Variants in FSIP2 observed in about 807,000 individuals in gnomAD.
FSIP2 encodes the protein fibrous sheath-interacting protein 2.
A neutral mutation model predicts 510.5 loss-of-function variants in FSIP2; 367 were observed. The ratio of observed to expected loss-of-function variants is 0.72; its 90% confidence interval spans 0.66 to 0.78. The LOEUF (loss-of-function observed/expected upper bound fraction) is 0.78, where lower values mean the gene tolerates loss of function less well. Among genes scored for constraint, FSIP2 ranks in the 30% least tolerant of loss-of-function variants. The pLI, the probability that FSIP2 is intolerant of heterozygous loss-of-function variation, is 0.00. For synonymous variants in FSIP2, 2,601 were observed against 2,732.2 expected, an observed-to-expected ratio of 0.95 and a Z score of 1.50; for missense variants, 7,594 against 7,901.7, an observed-to-expected ratio of 0.96 and a Z score of 1.48.
At position 185,782,475 on chromosome 2, in the gene FSIP2, T is replaced by C. The variant is rs1247725651; in HGVS notation, c.1412-230T>C. On this transcript the variant is annotated intron_variant, in intron 13 of 22. Coordinates refer to ENST00000424728, the MANE Select transcript of FSIP2 (RefSeq NM_173651.4). ...TGCAAAATATTCTGTCTCTGGACCA[T>C]AGCATAAGTATGAAAGACTAGTCAG... Among the ~76,000 whole-genome samples the C allele has an allele frequency of 2.0e-5, 3 of 152,156 alleles. No individual in the cohort carries two copies. The East Asian group carries it at 5.8e-4, about 29-fold the overall frequency.
At chr2:185,766,503 T>C (rs879856499) in intron 13 of FSIP2, 283 of 146,374 alleles carry the variant, frequency 1.9e-3, no homozygotes, top group Non-Finnish European at 2.6e-3. Context: ...AAAAAGTGGG[T>C]GAAGGACATG....
At position 185,793,955 on chromosome 2, in the gene FSIP2, T is replaced by A. The variant is rs1410232839; in HGVS notation, c.6819T>A (p.Ile2273=). 6.5e-7 allele frequency: 1 copy of A among 1,526,808 alleles called. No homozygotes were observed. Among genetic ancestry groups the A allele is most frequent in the Non-Finnish European group, 8.8e-7 (1 of 1,142,690 alleles). The allele number at this position is 1,526,808 out of a possible 1,614,324, so 94.6% of individuals were successfully genotyped here. A position where few individuals can be genotyped will look rare whatever the true frequency, so the allele number is the denominator to read the frequency against. ...SFATERIDSL[I]TLAFQSKEKS... ...CCACAGAAAGAATAGATTCATTAATTACCCTTGCTTTCCAAAGTAAAGAAA... is the reference window on the plus strand; with the variant it reads ...CCACAGAAAGAATAGATTCATTAATAACCCTTGCTTTCCAAAGTAAAGAAA... Residue 2273 remains isoleucine, a synonymous_variant, in exon 16 of 23, where the codon ATT becomes ATA. Transcript: ENST00000424728.
At chr2:185,739,557 A>C in intron 2 of FSIP2, 86 bp downstream of exon 2, 1 of 1,217,820 alleles carries the variant, frequency 8.2e-7, no homozygotes, top group Non-Finnish European at 1.1e-6. Context: ...AAATTCATTA[A>C]AGGAATTTGC....
Position 185,763,126 on chromosome 2 carries a change from A to G in FSIP2, c.1241-57A>G, listed in dbSNP as rs375185677. 1.0e-5 allele frequency: 8 copies of G among 773,098 alleles called. No individual in the cohort carries two copies. The African/African-American group carries it at 1.2e-4, about 12-fold the overall frequency. The allele number at this position is 773,098 out of a possible 1,614,324, so 47.9% of individuals were successfully genotyped here. ...GGAGTAATGCTGTAAATTAATATTAACCCTTGTCCCAGCAATATCAGCTTC... is the reference window on the plus strand; with the variant it reads ...GGAGTAATGCTGTAAATTAATATTAGCCCTTGTCCCAGCAATATCAGCTTC... On this transcript the variant is annotated intron_variant, in intron 11 of 22. Transcript: ENST00000424728.
At chr2:185,739,507 C>T (rs1691877969) in intron 2 of FSIP2, 36 bp downstream of exon 2, 3 of 1,432,504 alleles carry the variant, frequency 2.1e-6, no homozygotes, top group African/African-American at 2.9e-5. Flanking sequence ...TTCCTTTACC[C>T]TTTACTACTT....
At position 185,799,923 on chromosome 2, in the gene FSIP2, T is replaced by C; in HGVS notation, c.10617T>C (p.Ile3539=). 6.5e-7 allele frequency: 1 copy of C among 1,533,850 alleles called. No homozygotes were observed. Among genetic ancestry groups the C allele is most frequent in the Non-Finnish European group, 8.7e-7 (1 of 1,145,420 alleles). ...EIQEATFSKI[I]SIHSQVFESR... is the part of the protein sequence containing the mutation. ...AAGAAGCAACATTTAGCAAGATTATTTCAATTCATTCTCAAGTGTTTGAGA... is the reference window on the plus strand; with the variant it reads ...AAGAAGCAACATTTAGCAAGATTATCTCAATTCATTCTCAAGTGTTTGAGA... Residue 3539 remains isoleucine, a synonymous_variant, in exon 17 of 23, where the codon ATT becomes ATC. Coordinates refer to ENST00000424728, the MANE Select transcript of FSIP2 (RefSeq NM_173651.4).
In FSIP2 at chr2:185,805,249, C is replaced by T. The variant is rs1486539561; in HGVS notation, c.15943C>T (p.Leu5315Phe). 1 of 1,589,766 alleles carries T rather than the reference C, an allele frequency of 6.3e-7. No individual in the cohort carries two copies. The highest frequency in any genetic ancestry group is 2.2e-5 in the East Asian group (1 of 44,632). The change falls in exon 17 of 23, where the codon CTT becomes TTT. Residue 5315 changes from leucine to phenylalanine, a missense_variant. Transcript: ENST00000424728. ...AGATATTATGGGCTTGGCTCTAAAA[C>T]TTGCAAATTCTCTGATAAGGGAATT... is the stretch of plus-strand genomic sequence containing the variant. The part of the protein sequence containing the change: ...ELDIMGLALK[L>F]ANSLIREFKK...
chr2:185,765,680 G>GAA (rs988414703), intron 13 of FSIP2: 3 of 151,944 alleles, frequency 2.0e-5, no homozygotes, highest in African/African-American at 7.2e-5. Flanking sequence ...ATTCTGTGAA[G>GAA]AAAGTCATCG....
At chr2:185,782,659 C>A (rs1373098822) in intron 13 of FSIP2, 46 bp from the exon 14 acceptor site, 9 of 1,135,580 alleles carry the variant, frequency 7.9e-6, no homozygotes, top group Non-Finnish European at 9.0e-6. Flanking sequence ...TAGCAAGTTG[C>A]TGAGGATGGA....
At position 185,791,993 on chromosome 2, in the gene FSIP2, G is replaced by C; in HGVS notation, c.4857G>C (p.Trp1619Cys). 20 of 1,533,784 alleles carry C rather than the reference G, an allele frequency of 1.3e-5. No individual in the cohort carries two copies. Among genetic ancestry groups the C allele is most frequent in the Non-Finnish European group, 1.6e-5 (18 of 1,145,368 alleles). The part of the protein sequence containing the change: ...DGNKKSNKIG[W>C]EYESTNISRD... ...ATAAGAAAAGCAATAAGATAGGCTG[G>C]GAATATGAAAGCACCAATATTTCCA... is the stretch of plus-strand genomic sequence containing the variant. The change falls in exon 16 of 23, where the codon TGG becomes TGC. Residue 1619 changes from tryptophan to cysteine, a missense_variant. Transcript: ENST00000424728.
chr2:185,782,704 G>A lies in FSIP2; in HGVS notation c.1412-1G>A. On this transcript the variant is annotated splice_acceptor_variant, in intron 13 of 22. Coordinates refer to ENST00000424728, the MANE Select transcript of FSIP2 (RefSeq NM_173651.4). LOFTEE classifies it high-confidence loss of function. ...TGTAATTTTATTTTTCTGATAAATA[G>A]GACCTCAGGCTCATGCTACAGACCC... 1 of 1,506,354 alleles carries A rather than the reference G, an allele frequency of 6.6e-7. No individual in the cohort carries two copies. The highest frequency in any genetic ancestry group is 8.9e-7 in the Non-Finnish European group (1 of 1,119,852). The allele number at this position is 1,506,354 out of a possible 1,614,324, so 93.3% of individuals were successfully genotyped here.
rs758749579 is a variant in FSIP2, at chr2:185,807,795, G to T, written c.18489G>T (p.Val6163=). 1 of 1,612,596 alleles carries T rather than the reference G, an allele frequency of 6.2e-7. No homozygotes were observed. Among genetic ancestry groups the T allele is most frequent in the Non-Finnish European group, 8.5e-7 (1 of 1,179,210 alleles). Reference sequence around the variant, plus strand: ...AAGATGTTTTCCAAACTACTGATGTGCCCCTACCTAAACCTTCACATGCTG... The same window carrying T: ...AAGATGTTTTCCAAACTACTGATGTTCCCCTACCTAAACCTTCACATGCTG... ...ILKDVFQTTD[V]PLPKPSHADK... Residue 6163 remains valine, a synonymous_variant, in exon 17 of 23, where the codon GTG becomes GTT. Transcript: ENST00000424728.
intron 13 of FSIP2, among the ~76,000 whole-genome samples, chr2:185,772,275 A>G (rs1259593609): frequency 6.6e-6 from 1 of 152,142 alleles, no homozygotes; most frequent in Non-Finnish European, 1.5e-5. Context: ...CCATTTCCAA[A>G]GCTGCCTCCA....
chr2:185,788,875 A>C lies in FSIP2; in HGVS notation c.1739A>C (p.Gln580Pro). The change falls in exon 16 of 23, where the codon CAG becomes CCG. Residue 580 changes from glutamine to proline, a missense_variant. Coordinates refer to ENST00000424728, the MANE Select transcript of FSIP2 (RefSeq NM_173651.4). Reference sequence around the variant, plus strand: ...ACATCTGCAACAACTAAAACATTTCAGGCAGAACCCTGTGCATTTGTAGTT... The same window carrying C: ...ACATCTGCAACAACTAAAACATTTCCGGCAGAACCCTGTGCATTTGTAGTT... ...SYTSATTKTF[Q>P]AEPCAFVVDT... The C allele has an allele frequency of 6.5e-7, 1 of 1,535,052 alleles. No homozygotes were observed. The highest frequency in any genetic ancestry group is 8.7e-7 in the Non-Finnish European group (1 of 1,146,026).
At chr2:185,762,449 A>G (rs528596812) in intron 11 of FSIP2, among the ~76,000 whole-genome samples, 1 of 151,370 alleles carries the variant, frequency 6.6e-6, no homozygotes, top group South Asian at 2.1e-4. Context: ...TATGCAAGTC[A>G]CTAAAAATAC....
At chr2:185,757,928 T>C (rs896846768) in intron 9 of FSIP2, among the ~76,000 whole-genome samples, 2 of 151,202 alleles carry the variant, frequency 1.3e-5, no homozygotes, top group Non-Finnish European at 3.0e-5. Context: ...TCCCTCATGC[T>C]GTTTATTTGC....
At chr2:185,821,598 C>G (rs568216316) in intron 19 of FSIP2, among the ~76,000 whole-genome samples, 5 of 151,714 alleles carry the variant, frequency 3.3e-5, no homozygotes, top group African/African-American at 1.2e-4. Flanking sequence ...TCGGTTTTAT[C>G]CCGGGAATGC....
At position 185,805,198 on chromosome 2, in the gene FSIP2, T is replaced by C; in HGVS notation, c.15892T>C (p.Ser5298Pro). ...FCSLLIITEDSKKNEMAELDI... is the reference protein window; with the variant it reads ...FCSLLIITEDPKKNEMAELDI... The stretch of plus-strand genomic sequence containing the variant: ...TTCTCTCCTCATTATTACTGAAGAT[T>C]CTAAGAAAAATGAAATGGCAGAGCT... Residue 5298 changes from serine (S) to proline (P), a missense_variant, in exon 17 of 23, where the codon TCT becomes CCT. By Grantham distance (74) the Ser-to-Pro change is moderately conservative. Transcript: ENST00000424728. 3 of 1,604,584 alleles carry C rather than the reference T, an allele frequency of 1.9e-6. No homozygotes were observed. Among genetic ancestry groups the C allele is most frequent in the Non-Finnish European group, 1.7e-6 (2 of 1,176,426 alleles).
At position 185,792,172 on chromosome 2, in the gene FSIP2, TTAAG is replaced by T; in HGVS notation, c.5039_5042del (p.Lys1680MetfsTer2). 2 of 1,532,422 alleles carry T rather than the reference TTAAG, an allele frequency of 1.3e-6. No individual in the cohort carries two copies. The highest frequency in any genetic ancestry group is 1.7e-6 in the Non-Finnish European group (2 of 1,144,816). The allele number at this position is 1,532,422 out of a possible 1,614,324, so 94.9% of individuals were successfully genotyped here. On this transcript the variant is annotated frameshift_variant, in exon 16 of 23. Transcript: ENST00000424728. LOFTEE classifies it high-confidence loss of function. Reference sequence around the variant, plus strand: ...AACCCACCACCTGAGACTCAAATACTTAAGTATGTAGTCAAGTTAATTTTAGATG... The same window carrying T: ...AACCCACCACCTGAGACTCAAATACTTATGTAGTCAAGTTAATTTTAGATG...
Sources: gnomAD v4.1 joint callset for allele counts (sites outside exome capture counted in the v4.1 genomes callset) on GRCh38, gnomAD v4.1.1 for gene constraint, MANE v1.5 for transcripts, NCBI Gene and HGNC (gene_info 2026-07-23, HGNC 2026-07-21) for gene names.